SLC36A1: variants seen among roughly 807,000 people sequenced by gnomAD.
SLC36A1 encodes proton-coupled amino acid transporter 1.
A neutral mutation model predicts 47.5 loss-of-function variants in SLC36A1; 30 were observed. That is an observed-to-expected ratio of 0.63 (90% CI 0.47 to 0.86). SLC36A1 has a LOEUF of 0.86. Among genes scored for constraint, SLC36A1 ranks in the 40% least tolerant of loss-of-function variants. The pLI, the probability that SLC36A1 is intolerant of heterozygous loss-of-function variation, is 0.00. For missense variants in SLC36A1, 517 were observed against 606.0 expected, an observed-to-expected ratio of 0.85 and a Z score of 1.54; for synonymous variants, 255 against 249.7, an observed-to-expected ratio of 1.02 and a Z score of -0.20.
chr5:151,437,869 G>A (rs1385595834), intron 1 of SLC36A1, among the ~76,000 whole-genome samples: 1 of 152,114 alleles, frequency 6.6e-6, no homozygotes, highest in Admixed American at 6.6e-5. Context: ...TCTTCTGGAG[G>A]CTGTAGGGTA....
chr5:151,460,781 T>G, intron 2 of SLC36A1, among the ~76,000 whole-genome samples: 1 of 150,622 alleles, frequency 6.6e-6, no homozygotes, highest in East Asian at 1.9e-4. Context: ...TAGAGACAAG[T>G]TTTTGAGCTG....
chr5:151,534,970 A>AATATATATATATATATATATATATATAT, the SLC36A1 span, among the ~76,000 whole-genome samples: 405 of 106,204 alleles, frequency 3.8e-3, 11 homozygotes, highest in Non-Finnish European at 5.7e-3. Context: ...CTTCTAGGAA[A>AATATATATATATATATATATATATATAT]ATATATATAT....
chr5:151,467,097 C>G, intron 5 of SLC36A1, 102 bp from the exon 6 acceptor site: 1 of 865,120 alleles, frequency 1.2e-6, no homozygotes, highest in Non-Finnish European at 1.9e-6. Context: ...CACTTGTACT[C>G]CCTAAATCTA....
chr5:151,440,671 A>G (rs776987841), intron 1 of SLC36A1, among the ~76,000 whole-genome samples: 12 of 152,088 alleles, frequency 7.9e-5, no homozygotes, highest in Non-Finnish European at 1.5e-4. Context: ...CCCTCATGTT[A>G]TATATAGAAC....
the SLC36A1 span, among the ~76,000 whole-genome samples, chr5:151,391,635 C>A: frequency 6.6e-6 from 1 of 152,100 alleles, no homozygotes; most frequent in Admixed American, 6.5e-5. Context: ...TTGTCAAAGG[C>A]CTTTTCTGCA....
At chr5:151,408,062 G>T in the SLC36A1 span, among the ~76,000 whole-genome samples, 3 of 152,214 alleles carry the variant, frequency 2.0e-5, no homozygotes, top group African/African-American at 7.2e-5. Flanking sequence ...TAAGGAAATC[G>T]AGGCTCACGG....
At chr5:151,352,321 A>G in the SLC36A1 span, among the ~76,000 whole-genome samples, 1 of 152,160 alleles carries the variant, frequency 6.6e-6, no homozygotes, top group Non-Finnish European at 1.5e-5. Context: ...TTTAAGCTCC[A>G]TGAAAGTGGG....
At chr5:151,345,670 G>A in the SLC36A1 span, among the ~76,000 whole-genome samples, 1 of 152,174 alleles carries the variant, frequency 6.6e-6, no homozygotes, top group African/African-American at 2.4e-5. Context: ...ACTAGGAAAG[G>A]GTCAGCGGGT....
chr5:151,501,463 A>AG, the SLC36A1 span, among the ~76,000 whole-genome samples: 1 of 147,990 alleles, frequency 6.8e-6, no homozygotes, highest in Non-Finnish European at 1.5e-5. Flanking sequence ...TAGCAGCCAG[A>AG]GGCTGACTCT....
At chr5:151,533,752 T>C in the SLC36A1 span, among the ~76,000 whole-genome samples, 3 of 151,824 alleles carry the variant, frequency 2.0e-5, no homozygotes, top group Non-Finnish European at 4.4e-5. Context: ...TACATATATA[T>C]ATGTGATATA....
chr5:151,465,151 A>G lies in SLC36A1; in HGVS notation c.401A>G (p.Asn134Ser), dbSNP rs1160358724. Residue 134 changes from asparagine to serine, a missense_variant, in exon 5 of 11, where the codon AAC becomes AGC. Physicochemically the swap from Asn to Ser is conservative, Grantham distance 46. Transcript: ENST00000243389. ...LESSPCSWLR[N>S]HAHWGRRVVD... is the part of the protein sequence containing the mutation. ...TCCAGCCCCTGCTCCTGGCTCCGGA[A>G]CCACGCACACTGGGGAAGGTAACTG... 1.2e-6 allele frequency: 2 copies of G among 1,613,904 alleles called. No individual in the cohort carries two copies. Among genetic ancestry groups the G allele is most frequent in the African/African-American group, 2.7e-5 (2 of 74,916 alleles).
At chr5:151,367,374 T>TTTTTTTC in the SLC36A1 span, among the ~76,000 whole-genome samples, 6 of 145,466 alleles carry the variant, frequency 4.1e-5, no homozygotes, top group African/African-American at 7.8e-5. Flanking sequence ...TTTTTTTTTT[T>TTTTTTTC]CCCCAGGGTA....
At chr5:151,516,872 G>A in the SLC36A1 span, among the ~76,000 whole-genome samples, 11 of 152,190 alleles carry the variant, frequency 7.2e-5, no homozygotes, top group East Asian at 7.8e-4. Context: ...TTGGGATGCC[G>A]AGGCAGGCGG....
At chr5:151,450,107 T>A (rs1234252847) in intron 1 of SLC36A1, among the ~76,000 whole-genome samples, 2 of 152,072 alleles carry the variant, frequency 1.3e-5, no homozygotes, top group Non-Finnish European at 2.9e-5. Context: ...ATGGAGCAGA[T>A]GTCCACTTAT....
At chr5:151,498,613 C>T in the SLC36A1 span, among the ~76,000 whole-genome samples, 1 of 152,158 alleles carries the variant, frequency 6.6e-6, no homozygotes. Flanking sequence ...CTTCACTGAG[C>T]ACGGCACATT....
the SLC36A1 span, chr5:151,381,243 C>G: frequency 2.1e-5 from 6 of 291,122 alleles, no homozygotes; most frequent in African/African-American, 1.4e-4. Context: ...ATCATGGCTC[C>G]TATTGCTCAT....
the SLC36A1 span, among the ~76,000 whole-genome samples, chr5:151,377,428 A>G: frequency 7.0e-6 from 1 of 142,824 alleles, no homozygotes; most frequent in South Asian, 2.2e-4. Flanking sequence ...GACTCACTGC[A>G]AGCTCCGCCT....
the SLC36A1 span, chr5:151,505,820 G>A: frequency 6.2e-7 from 1 of 1,613,474 alleles, no homozygotes; most frequent in Non-Finnish European, 8.5e-7. Flanking sequence ...TGAGACAGGG[G>A]GCAACCAGGC....
chr5:151,468,339 TTA>T (rs1491427684), intron 7 of SLC36A1, among the ~76,000 whole-genome samples: 1 of 103,962 alleles, frequency 9.6e-6, no homozygotes, highest in African/African-American at 3.7e-5. Flanking sequence ...TTATTATATT[TTA>T]TATATATTAC....
Sources: gnomAD v4.1 joint callset for allele counts (sites outside exome capture counted in the v4.1 genomes callset) on GRCh38, gnomAD v4.1.1 for gene constraint, MANE v1.5 for transcripts, NCBI Gene and HGNC (gene_info 2026-07-23, HGNC 2026-07-21) for gene names.